PRKN: variants seen among roughly 807,000 people sequenced by gnomAD.
The protein encoded by PRKN is E3 ubiquitin-protein ligase parkin.
A neutral mutation model predicts 59.5 loss-of-function variants in PRKN; 56 were observed. The observed-to-expected ratio is 0.94, with a 90% CI of 0.76 to 1.18. PRKN has a LOEUF of 1.18. Ranked by LOEUF, PRKN falls within the 50% of genes most tolerant of loss-of-function variation. The pLI is 0.00. For synonymous variants in PRKN, 250 were observed against 222.1 expected, an observed-to-expected ratio of 1.13 and a Z score of -1.12; for missense variants, 657 against 596.4, an observed-to-expected ratio of 1.10 and a Z score of -1.06.
chr6:161,415,279 A>C (rs1473006447), intron 9 of PRKN, among the ~76,000 whole-genome samples: 1 of 152,104 alleles, frequency 6.6e-6, no homozygotes, highest in Non-Finnish European at 1.5e-5. Context: ...CATTTTATAT[A>C]CGTGGGGAAT....
At chr6:161,745,505 C>T (rs1788377194) in intron 7 of PRKN, among the ~76,000 whole-genome samples, 1 of 152,190 alleles carries the variant, frequency 6.6e-6, no homozygotes, top group African/African-American at 2.4e-5. Context: ...GCATGCCACA[C>T]CTGCGACCAG....
At chr6:161,501,274 C>T (rs1032793860) in intron 9 of PRKN, among the ~76,000 whole-genome samples, 2 of 152,188 alleles carry the variant, frequency 1.3e-5, no homozygotes, top group African/African-American at 2.4e-5. Context: ...TCCACATCCT[C>T]CCCAGCATCT....
chr6:161,597,424 G>A (rs978554855), intron 7 of PRKN, among the ~76,000 whole-genome samples: 4 of 152,160 alleles, frequency 2.6e-5, no homozygotes, highest in Non-Finnish European at 4.4e-5. Flanking sequence ...AAGAATGACC[G>A]AATGGTGAAC....
Position 162,262,782 on chromosome 6 carries a change from TAAAAAAA to T in PRKN, c.172-24_172-18del, listed in dbSNP as rs751742289. On this transcript the variant is annotated intron_variant, in intron 2 of 11. Coordinates refer to ENST00000366898, the MANE Select transcript of PRKN (RefSeq NM_004562.3). ...GTCACAATTCTGTTTGGGAGCAAGG[TAAAAAAA>T]AAAAAAAAAAAAAAGGAAATGTCAA... The T allele has an allele frequency of 6.6e-5, 90 of 1,361,114 alleles. No individual in the cohort carries two copies. Among genetic ancestry groups the T allele is most frequent in the Admixed American group, 2.0e-4 (7 of 34,584 alleles). 84.3% of individuals were successfully genotyped at this position (1,361,114 alleles called of 1,614,324 possible).
chr6:162,505,665 G>A (rs1793577197), intron 1 of PRKN, among the ~76,000 whole-genome samples: 1 of 152,148 alleles, frequency 6.6e-6, no homozygotes, highest in African/African-American at 2.4e-5. Context: ...GTAATATATG[G>A]ACAGAAAGGA....
chr6:161,397,087 C>G lies in PRKN; in HGVS notation c.1084-10210G>C, dbSNP rs575052548. On this transcript the variant is annotated intron_variant, in intron 9 of 11. Transcript: ENST00000366898. This position sits in a 1 kb window ranked among gnomAD's most constrained non-coding sequence, Gnocchi z 4.2. The stretch of plus-strand genomic sequence containing the variant: ...TTTTCTTCCCAAGCCCTGTTTCTTA[C>G]TCATACCTCTATTAAACTGTTTCAC... 6.6e-6 allele frequency among the ~76,000 whole-genome samples: 1 copy of G among 152,198 alleles called. No individual in the cohort carries two copies. Among genetic ancestry groups the G allele is most frequent in the Admixed American group, 6.5e-5 (1 of 15,284 alleles).
In PRKN at chr6:162,661,803, A is replaced by G. The variant is rs536477852; in HGVS notation, c.7+65859T>C. On this transcript the variant is annotated intron_variant, in intron 1 of 11. Coordinates refer to ENST00000366898, the MANE Select transcript of PRKN (RefSeq NM_004562.3). ...AGAAACAGTTAAATGTGAGGCAGAA[A>G]TAATTTTTTCTTTTAAAATTAAATT... 3.2e-4 allele frequency among the ~76,000 whole-genome samples: 49 copies of G among 152,228 alleles called. 1 individual carries two copies. Among genetic ancestry groups the G allele is most frequent in the Non-Finnish European group, 4.4e-4 (30 of 68,032 alleles).
At chr6:162,332,535 C>T (rs773748269) in intron 2 of PRKN, among the ~76,000 whole-genome samples, 3 of 152,168 alleles carry the variant, frequency 2.0e-5, no homozygotes, top group Non-Finnish European at 4.4e-5. Context: ...CCCATGCCAT[C>T]ACTAGCCCAT....
intron 4 of PRKN, among the ~76,000 whole-genome samples, chr6:162,119,932 C>G (rs3892751): frequency 0.47 from 70,862 of 152,044 alleles, 17,254 homozygotes; most frequent in African/African-American, 0.62. Flanking sequence ...TTTTCTGCAA[C>G]TCAGCCCTAT....
At chr6:162,358,519 C>T (rs1251872431) in intron 2 of PRKN, among the ~76,000 whole-genome samples, 1 of 152,044 alleles carries the variant, frequency 6.6e-6, no homozygotes, top group Non-Finnish European at 1.5e-5. Flanking sequence ...TACAAATTTA[C>T]ATTTCTCTGT....
intron 3 of PRKN, among the ~76,000 whole-genome samples, chr6:162,208,522 G>T (rs1202142947): frequency 1.3e-5 from 2 of 152,064 alleles, no homozygotes; most frequent in South Asian, 2.1e-4. Flanking sequence ...GGTTGTTGTT[G>T]CCAATTTATT....
chr6:161,835,928 A>G (rs1234896043), intron 6 of PRKN, among the ~76,000 whole-genome samples: 1 of 152,158 alleles, frequency 6.6e-6, no homozygotes. Context: ...ACGCATTTTC[A>G]GTTGTCTTAA....
At chr6:161,874,998 AAT>A (rs1183675170) in intron 6 of PRKN, among the ~76,000 whole-genome samples, 7 of 92,340 alleles carry the variant, frequency 7.6e-5, no homozygotes, top group East Asian at 3.2e-4. Flanking sequence ...CTTTATATAT[AAT>A]ATATTATATA....
intron 7 of PRKN, among the ~76,000 whole-genome samples, chr6:161,657,831 G>A (rs1340576590): frequency 6.6e-6 from 1 of 151,906 alleles, no homozygotes; most frequent in Non-Finnish European, 1.5e-5. Flanking sequence ...TTGGAGACGG[G>A]CATGGCCAAT....
At chr6:162,199,915 T>C (rs1784650255) in intron 4 of PRKN, among the ~76,000 whole-genome samples, 1 of 151,994 alleles carries the variant, frequency 6.6e-6, no homozygotes, top group African/African-American at 2.4e-5. Flanking sequence ...GGCCCACAGC[T>C]CCTCATCTGC....
At chr6:162,655,968 C>A (rs1369460668) in intron 1 of PRKN, among the ~76,000 whole-genome samples, 3 of 152,166 alleles carry the variant, frequency 2.0e-5, no homozygotes, top group African/African-American at 7.2e-5. Flanking sequence ...GAATTCACCT[C>A]ATTTCAGATT....
chr6:162,514,254 C>T (rs1366391850), intron 1 of PRKN, among the ~76,000 whole-genome samples: 2 of 150,140 alleles, frequency 1.3e-5, no homozygotes, highest in African/African-American at 4.9e-5. Context: ...TTTTTACCTT[C>T]CATCTTGTTG....
At chr6:162,566,173 C>G (rs1340008764) in intron 1 of PRKN, among the ~76,000 whole-genome samples, 1 of 152,034 alleles carries the variant, frequency 6.6e-6, no homozygotes, top group Non-Finnish European at 1.5e-5. Context: ...CAGAACTGGA[C>G]AGGTCTTCAA....
rs1647283546 is a variant in PRKN at position 161,470,574 on chromosome 6, A to G, written c.1083+78280T>C. On this transcript the variant is annotated intron_variant, in intron 9 of 11. Coordinates refer to ENST00000366898, the MANE Select transcript of PRKN (RefSeq NM_004562.3). The surrounding 1 kb of genome is among the most constrained non-coding windows in gnomAD (Gnocchi z 5.1). ...TCTGCCCTGGCCCTCCTCTGGCCAC[A>G]CCCCTCTTCCTGGAGCAAAGAGTCT... Among the ~76,000 whole-genome samples the G allele has an allele frequency of 6.6e-6, 1 of 152,116 alleles. No homozygotes were observed.
Sources: gnomAD v4.1 joint callset for allele counts (sites outside exome capture counted in the v4.1 genomes callset) on GRCh38, gnomAD v4.1.1 for gene constraint, Gnocchi (gnomAD v3.1) non-coding constraint, MANE v1.5 for transcripts, NCBI Gene and HGNC (gene_info 2026-07-23, HGNC 2026-07-21) for gene names.